The following AFF1 variants were observed in gnomAD, a reference collection of about 807,000 sequenced individuals.
AFF1 encodes the protein AF4/FMR2 family member 1.
A neutral mutation model predicts 121.7 loss-of-function variants in AFF1; 48 were observed. The observed-to-expected ratio is 0.39, with a 90% CI of 0.31 to 0.50. The LOEUF is 0.50. Ranked by LOEUF, AFF1 falls within the 20% of genes least tolerant of loss-of-function variation. AFF1 has a pLI of 0.76. For synonymous variants in AFF1, 613 were observed against 563.0 expected, an observed-to-expected ratio of 1.09 and a Z score of -1.26; for missense variants, 1,523 against 1,511.7, an observed-to-expected ratio of 1.01 and a Z score of -0.12.
intron 2 of AFF1, among the ~76,000 whole-genome samples, chr4:87,026,718 A>T (rs1286553064): frequency 1.3e-5 from 2 of 152,228 alleles, no homozygotes; most frequent in South Asian, 4.1e-4. Flanking sequence ...ATTTAGAACT[A>T]GCTCAGAGGA....
At chr4:86,937,802 T>G (rs1052987355) in intron 1 of AFF1, among the ~76,000 whole-genome samples, 1 of 149,746 alleles carries the variant, frequency 6.7e-6, no homozygotes, top group African/African-American at 2.4e-5. Flanking sequence ...GGTGGGGGGC[T>G]CCCTATGTTA....
At chr4:87,030,560 C>G (rs1728972461) in intron 2 of AFF1, among the ~76,000 whole-genome samples, 1 of 152,122 alleles carries the variant, frequency 6.6e-6, no homozygotes, top group Admixed American at 6.5e-5. Context: ...ACTTACAAGT[C>G]TGAAACACTG....
At chr4:86,995,929 G>A (rs1372241807) in intron 2 of AFF1, among the ~76,000 whole-genome samples, 6 of 148,338 alleles carry the variant, frequency 4.0e-5, no homozygotes, top group East Asian at 2.0e-4. Flanking sequence ...CTGCCGCCCC[G>A]TCCGGGATGT....
chr4:86,985,429 G>C (rs1428410632), intron 2 of AFF1, among the ~76,000 whole-genome samples: 1 of 150,218 alleles, frequency 6.7e-6, no homozygotes, highest in Non-Finnish European at 1.5e-5. Context: ...GAGAATTGCT[G>C]GAACCTGGGA....
chr4:87,073,629 A>C (rs1336925916), intron 4 of AFF1, among the ~76,000 whole-genome samples: 1 of 152,234 alleles, frequency 6.6e-6, no homozygotes, highest in African/African-American at 2.4e-5. Flanking sequence ...CTTTCAGACA[A>C]AGCGTGGATT....
chr4:87,114,748 T>G lies in AFF1; in HGVS notation c.1915T>G (p.Tyr639Asp). 6.2e-7 allele frequency: 1 copy of G among 1,613,532 alleles called. No homozygotes were observed. Among genetic ancestry groups the G allele is most frequent in the Non-Finnish European group, 8.5e-7 (1 of 1,179,852 alleles). The change falls in exon 12 of 21, where the codon TAT becomes GAT. Residue 639 changes from tyrosine to aspartate, a missense_variant. Coordinates refer to ENST00000395146, the MANE Select transcript of AFF1 (RefSeq NM_001166693.3). ...GGAAAGGGAGCCAGGGCTTCTTCCC[T>G]ATGGCTCCCGAGACCAGACTTCCAA... ...QGEREPGLLP[Y>D]GSRDQTSKDK... is the part of the protein sequence containing the mutation.
intron 2 of AFF1, among the ~76,000 whole-genome samples, chr4:87,008,297 G>GA (rs1173924735): frequency 3.9e-5 from 6 of 152,184 alleles, no homozygotes; most frequent in African/African-American, 1.4e-4. Context: ...GTGATTTTGG[G>GA]AGGTCTCAGA....
chr4:87,105,638 G>C lies in AFF1; in HGVS notation c.1294G>C (p.Asp432His). 1.9e-6 allele frequency: 3 copies of C among 1,614,104 alleles called. No homozygotes were observed. Among genetic ancestry groups the C allele is most frequent in the Non-Finnish European group, 2.5e-6 (3 of 1,180,006 alleles). Residue 432 changes from aspartate (D) to histidine (H), a missense_variant, in exon 9 of 21, where the codon GAC (aspartate) becomes CAC (histidine). Coordinates refer to ENST00000395146, the MANE Select transcript of AFF1 (RefSeq NM_001166693.3). ...CCCTGCCCATTCCAGCATGCTCGAA[G>C]ACGACCTTCAGCTCAGTGACAGTGA... ...SQQGTSSMLE[D>H]DLQLSDSEDS...
In AFF1 at chr4:87,108,252, A is replaced by T. The variant is rs747597833; in HGVS notation, c.1470A>T (p.Ser490=). ...STSDSDSSSD[S]ESESSSSDSE... is the part of the protein sequence containing the mutation. ...GTGACTCAGACAGTTCCTCAGACTC[A>T]GAGAGCGAGAGCAGTTCAAGTGACA... Residue 490 remains serine (S), a synonymous_variant, in exon 11 of 21, where the codon TCA becomes TCT. Transcript: ENST00000395146. 3.7e-6 allele frequency: 6 copies of T among 1,614,122 alleles called. No individual in the cohort carries two copies. The South Asian group carries it at 6.6e-5, about 18-fold the overall frequency.
chr4:87,097,942 A>G (rs936907594), intron 8 of AFF1, among the ~76,000 whole-genome samples: 2 of 152,188 alleles, frequency 1.3e-5, no homozygotes, highest in African/African-American at 4.8e-5. Context: ...TTTGACATGC[A>G]GTTAAGCTAT....
In AFF1 at chr4:87,127,166, T is replaced by TCCC. The variant is rs367995603; in HGVS notation, c.2903+56_2903+58dup. 4,468 of 1,085,114 alleles carry TCCC rather than the reference T, an allele frequency of 4.1e-3. 176 individuals carry two copies. The highest frequency in any genetic ancestry group is 4.8e-3 in the Non-Finnish European group (3,720 of 767,052). 67.2% of individuals were successfully genotyped at this position (1,085,114 alleles called of 1,614,324 possible). A position where few individuals can be genotyped will look rare whatever the true frequency, so the allele number is the denominator to read the frequency against. ...TTGCTCTGTTTTGTTTTGTTTTGCT[T>TCCC]CCCCCCCCCACCAAGATAGAGTCTC... On this transcript the variant is annotated intron_variant, in intron 15 of 20. Transcript: ENST00000395146.
chr4:87,036,531 A>G (rs1348271696), intron 2 of AFF1, among the ~76,000 whole-genome samples: 1 of 152,134 alleles, frequency 6.6e-6, no homozygotes, highest in Non-Finnish European at 1.5e-5. Context: ...ATGGGAATAC[A>G]TTAGCTCATC....
chr4:87,128,804 G>A (rs560769923), intron 16 of AFF1, among the ~76,000 whole-genome samples: 8 of 152,306 alleles, frequency 5.3e-5, no homozygotes, highest in African/African-American at 1.7e-4. Flanking sequence ...CTAAAACTGC[G>A]CTGTACCAGG....
chr4:86,996,222 T>C (rs1297150899), intron 2 of AFF1, among the ~76,000 whole-genome samples: 4 of 151,814 alleles, frequency 2.6e-5, no homozygotes, highest in African/African-American at 9.7e-5. Flanking sequence ...GTCTGGGAGG[T>C]GTACCCAACA....
chr4:87,050,586 CTT>C (rs1442099622), intron 4 of AFF1, among the ~76,000 whole-genome samples: 1 of 152,180 alleles, frequency 6.6e-6, no homozygotes, highest in Non-Finnish European at 1.5e-5. Context: ...TGGGATAAGT[CTT>C]TCTCAGAATT....
At chr4:87,112,928 C>CT (rs1488996156) in intron 11 of AFF1, among the ~76,000 whole-genome samples, 1 of 152,112 alleles carries the variant, frequency 6.6e-6, no homozygotes, top group Non-Finnish European at 1.5e-5. Context: ...CTGTTAGACA[C>CT]TAATATTTTT....
At chr4:87,056,406 A>G (rs1720144597) in intron 4 of AFF1, among the ~76,000 whole-genome samples, 1 of 152,176 alleles carries the variant, frequency 6.6e-6, no homozygotes, top group Non-Finnish European at 1.5e-5. Context: ...ACTATATTAT[A>G]GATTCCCTTT....
chr4:86,951,846 C>T (rs972216724), intron 2 of AFF1, among the ~76,000 whole-genome samples: 4 of 151,530 alleles, frequency 2.6e-5, no homozygotes, highest in Admixed American at 2.6e-4. Flanking sequence ...GATATCTTGA[C>T]CTCATGATCT....
chr4:86,974,908 T>C (rs1723193211), intron 2 of AFF1, among the ~76,000 whole-genome samples: 1 of 152,184 alleles, frequency 6.6e-6, no homozygotes, highest in South Asian at 2.1e-4. Flanking sequence ...CCCTCTTTCA[T>C]CTTATGAGTG....
Sources: gnomAD v4.1 joint callset for allele counts (sites outside exome capture counted in the v4.1 genomes callset) on GRCh38, gnomAD v4.1.1 for gene constraint, MANE v1.5 for transcripts, NCBI Gene and HGNC (gene_info 2026-07-23, HGNC 2026-07-21) for gene names.